The following HPS5 variants were observed in gnomAD, a reference collection of about 807,000 sequenced individuals.
HPS5 encodes the protein BLOC-2 complex member HPS5.
Under a neutral mutation model 128.0 loss-of-function variants are expected in HPS5, and 83 were observed. The ratio of observed to expected loss-of-function variants is 0.65; its 90% confidence interval spans 0.54 to 0.78. HPS5 has a LOEUF of 0.78. Ranked by LOEUF, HPS5 falls within the 30% of genes least tolerant of loss-of-function variation. HPS5 has a pLI of 0.00. For synonymous variants in HPS5, 475 were observed against 470.2 expected, an observed-to-expected ratio of 1.01 and a Z score of -0.13; for missense variants, 1,281 against 1,326.2, an observed-to-expected ratio of 0.97 and a Z score of 0.53.
rs1860469919 is a variant in HPS5, at chr11:18,292,039, A to T, written c.1863-20T>A. The stretch of plus-strand genomic sequence containing the variant: ...TTGGTCCTATACAAGACAGACAAGT[A>T]TGAAATTCATGTGTCATGTGTTTTT... On this transcript the variant is annotated intron_variant, in intron 15 of 22. Coordinates refer to ENST00000349215, the MANE Select transcript of HPS5 (RefSeq NM_181507.2). 3 of 1,565,508 alleles carry T rather than the reference A, an allele frequency of 1.9e-6. No homozygotes were observed. In the South Asian group the frequency reaches 3.3e-5, roughly 17 times the overall value.
At chr11:18,297,807 C>T (rs1262599181) in intron 10 of HPS5, 90 bp from the exon 11 acceptor site, 19 of 1,254,534 alleles carry the variant, frequency 1.5e-5, no homozygotes, top group Middle Eastern at 2.5e-4. Context: ...AGGCCGGGCA[C>T]GGTGGCTCAC....
In HPS5 at chr11:18,297,554, C is replaced by G; in HGVS notation, c.1323+5G>C. The G allele has an allele frequency of 6.2e-7, 1 of 1,612,926 alleles. No homozygotes were observed. Among genetic ancestry groups the G allele is most frequent in the Non-Finnish European group, 8.5e-7 (1 of 1,179,360 alleles). On this transcript the variant is annotated splice_donor_5th_base_variant and intron_variant, in intron 11 of 22. Transcript: ENST00000349215. ...ACAAAATCCTTTAAAGGTGAGAATACTTACATGTGATGAAATGGAGCTTCT... is the reference window on the plus strand; with the variant it reads ...ACAAAATCCTTTAAAGGTGAGAATAGTTACATGTGATGAAATGGAGCTTCT...
At chr11:18,300,578 T>G (rs1170461708) in intron 9 of HPS5, among the ~76,000 whole-genome samples, 1 of 151,398 alleles carries the variant, frequency 6.6e-6, no homozygotes. Flanking sequence ...GTGCCTGTAA[T>G]CCCAGCTACT....
At chr11:18,288,943 T>C (rs927056013) in intron 16 of HPS5, among the ~76,000 whole-genome samples, 3 of 152,102 alleles carry the variant, frequency 2.0e-5, no homozygotes, top group Non-Finnish European at 4.4e-5. Context: ...TGTGTGTTTA[T>C]ATGTATGTGT....
intron 16 of HPS5, among the ~76,000 whole-genome samples, chr11:18,290,124 A>C (rs1295171067): frequency 6.6e-6 from 1 of 152,222 alleles, no homozygotes; most frequent in Non-Finnish European, 1.5e-5. Context: ...CACTTTCTAC[A>C]TGCTTTCCCC....
intron 8 of HPS5, among the ~76,000 whole-genome samples, chr11:18,301,661 G>T (rs1432645176): frequency 6.6e-6 from 1 of 152,052 alleles, no homozygotes. Flanking sequence ...TTTTGATGTT[G>T]TTAGTTGTGT....
intron 15 of HPS5, among the ~76,000 whole-genome samples, 154 bp downstream of exon 15, chr11:18,292,745 C>T (rs1343429082): frequency 6.6e-6 from 1 of 152,146 alleles, no homozygotes; most frequent in Non-Finnish European, 1.5e-5. Flanking sequence ...AGGAAGGCAA[C>T]TTGGACTTAA....
At chr11:18,287,378 T>A (rs897852197) in intron 18 of HPS5, among the ~76,000 whole-genome samples, 157 bp downstream of exon 18, 1 of 152,220 alleles carries the variant, frequency 6.6e-6, no homozygotes, top group Non-Finnish European at 1.5e-5. Context: ...CTGTGACATG[T>A]GGCAGAATGT....
intron 22 of HPS5, among the ~76,000 whole-genome samples, chr11:18,280,228 T>C (rs1379823297): frequency 2.0e-5 from 3 of 152,186 alleles, no homozygotes; most frequent in Non-Finnish European, 4.4e-5. Context: ...GAATAGCTAT[T>C]TCTCCAAAGA....
chr11:18,291,367 T>A (rs1860381101), intron 16 of HPS5, 75 bp downstream of exon 16: 2 of 919,974 alleles, frequency 2.2e-6, no homozygotes, highest in African/African-American at 3.3e-5. Context: ...ATCTTTTTTT[T>A]AAACCCCAAA....
At chr11:18,319,746 G>A (rs1386415941) in intron 1 of HPS5, among the ~76,000 whole-genome samples, 2 of 152,096 alleles carry the variant, frequency 1.3e-5, no homozygotes, top group Non-Finnish European at 2.9e-5. Flanking sequence ...AAAACGGGTG[G>A]GTGATATGAA....
At position 18,278,995 on chromosome 11, in the gene HPS5, G is replaced by GT. The variant is rs1319551370; in HGVS notation, c.*886dup. 2 of 152,236 alleles carry GT rather than the reference G, an allele frequency of 1.3e-5. No homozygotes were observed. The highest frequency in any genetic ancestry group is 2.9e-5 in the Non-Finnish European group (2 of 68,046). The allele number at this position is 152,236 out of a possible 1,614,324, so 9.4% of individuals were successfully genotyped here. ...ATAACACATTTCTAAGAATGAATTA[G>GT]TCAGCTGTATATGGGTTCAGATTAG... On this transcript the variant is annotated 3_prime_UTR_variant, in exon 23 of 23. Transcript: ENST00000349215.
intron 9 of HPS5, among the ~76,000 whole-genome samples, chr11:18,299,286 G>T (rs571909672): frequency 6.6e-6 from 1 of 152,306 alleles, no homozygotes; most frequent in East Asian, 1.9e-4. Context: ...CAGACTATAA[G>T]GTTCGAGTGT....
At chr11:18,319,301 T>C (rs560357767) in intron 1 of HPS5, among the ~76,000 whole-genome samples, 1 of 71,842 alleles carries the variant, frequency 1.4e-5, no homozygotes, top group East Asian at 2.8e-3. Flanking sequence ...ACACATCTTA[T>C]AAGGGAAACA....
In HPS5 at chr11:18,291,766, C is replaced by T; in HGVS notation, c.2116G>A (p.Ala706Thr). ...LGNEESVDKT[A>T]CECVRSPRES... ...CTTGGACTCCTTACACATTCACATG[C>T]TGTTTTATCAACAGATTCTTCATTG... Residue 706 changes from alanine to threonine, a missense_variant, in exon 16 of 23, where the codon GCA becomes ACA. Ala to Thr is a moderately conservative substitution (Grantham distance 58, BLOSUM62 0). Coordinates refer to ENST00000349215, the MANE Select transcript of HPS5 (RefSeq NM_181507.2). 1 of 1,614,154 alleles carries T rather than the reference C, an allele frequency of 6.2e-7. No homozygotes were observed. The highest frequency in any genetic ancestry group is 8.5e-7 in the Non-Finnish European group (1 of 1,179,968).
intron 22 of HPS5, 113 bp from the exon 23 acceptor site, chr11:18,280,055 C>T: frequency 1.9e-6 from 2 of 1,065,776 alleles, no homozygotes; most frequent in Non-Finnish European, 2.9e-6. Flanking sequence ...TGATTCTGTG[C>T]ATTAAAAGAC....
Position 18,298,841 on chromosome 11 carries a change from A to C in HPS5, c.1115T>G (p.Leu372Trp). The stretch of plus-strand genomic sequence containing the variant: ...GAAAAGACAGCATGTACGAGCAGCC[A>C]AGTTCCATAGGCCTCTTCTTAGCAG... Reference protein sequence around the residue: ...ERLLRRGLWNLAARTCCLFQN... With the variant: ...ERLLRRGLWNWAARTCCLFQN... The change falls in exon 10 of 23, where the codon TTG becomes TGG. Residue 372 changes from leucine (L) to tryptophan (W), a missense_variant. Physicochemically the swap from Leu to Trp is moderately conservative, Grantham distance 61. Transcript: ENST00000349215. 2.5e-6 allele frequency: 4 copies of C among 1,614,216 alleles called. No homozygotes were observed. The highest frequency in any genetic ancestry group is 3.4e-6 in the Non-Finnish European group (4 of 1,180,030).
intron 16 of HPS5, among the ~76,000 whole-genome samples, chr11:18,288,378 C>T (rs1227584025): frequency 2.0e-5 from 3 of 152,118 alleles, no homozygotes; most frequent in Admixed American, 6.5e-5. Flanking sequence ...TCATCAATGC[C>T]AAGTTGCTCA....
At position 18,305,603 on chromosome 11, in the gene HPS5, T is replaced by G. The variant is rs1188413724; in HGVS notation, c.825-110A>C. ...TGCCTCCAAAACAAATTCAAGAGCCTAACTGCATCTGCCCTTATTCGCCTG... is the reference window on the plus strand; with the variant it reads ...TGCCTCCAAAACAAATTCAAGAGCCGAACTGCATCTGCCCTTATTCGCCTG... On this transcript the variant is annotated intron_variant, in intron 7 of 22. Coordinates refer to ENST00000349215, the MANE Select transcript of HPS5 (RefSeq NM_181507.2). The G allele has an allele frequency of 2.2e-5, 16 of 716,442 alleles. No homozygotes were observed. The Admixed American group carries it at 3.4e-4, about 15-fold the overall frequency. 44.4% of individuals were successfully genotyped at this position (716,442 alleles called of 1,614,324 possible).
Sources: allele counts gnomAD v4.1 joint callset (sites outside exome capture counted in the v4.1 genomes callset), GRCh38; gene constraint gnomAD v4.1.1; transcripts MANE v1.5; gene names NCBI Gene and HGNC (gene_info 2026-07-23, HGNC 2026-07-21).